HECW2: variants seen among roughly 807,000 people sequenced by gnomAD.
HECW2 encodes the protein E3 ubiquitin-protein ligase HECW2.
Under a neutral mutation model 175.2 loss-of-function variants are expected in HECW2, and 61 were observed. The observed-to-expected ratio is 0.35, with a 90% CI of 0.28 to 0.43. HECW2 has a LOEUF of 0.43. Among genes scored for constraint, HECW2 ranks in the 20% least tolerant of loss-of-function variants. The probability of loss-of-function intolerance (pLI) is 1.00; values close to 1 mark genes in which losing one functional copy is unlikely to be tolerated. For missense variants in HECW2, 1,524 were observed against 2,000.5 expected, an observed-to-expected ratio of 0.76 and a Z score of 4.54; for synonymous variants, 671 against 731.0, an observed-to-expected ratio of 0.92 and a Z score of 1.32.
chr2:196,573,761 G>C (rs1690465185), intron 1 of HECW2, among the ~76,000 whole-genome samples: 1 of 151,624 alleles, frequency 6.6e-6, no homozygotes, highest in Non-Finnish European at 1.5e-5. Context: ...AGTTCGACAA[G>C]AAAAAGAAAT....
At chr2:196,551,107 G>C (rs573727869) in intron 1 of HECW2, among the ~76,000 whole-genome samples, 1 of 152,260 alleles carries the variant, frequency 6.6e-6, no homozygotes, top group African/African-American at 2.4e-5. Context: ...AGGCAACTAA[G>C]AAGTTAAATG....
At chr2:196,326,391 C>G (rs1476553160) in intron 5 of HECW2, among the ~76,000 whole-genome samples, 5 of 151,870 alleles carry the variant, frequency 3.3e-5, no homozygotes, top group African/African-American at 4.8e-5. Flanking sequence ...ACACACCTGG[C>G]AGTAGAGGCG....
At chr2:196,389,469 G>GTAAATAAA (rs1694444701) in intron 2 of HECW2, among the ~76,000 whole-genome samples, 1 of 152,088 alleles carries the variant, frequency 6.6e-6, no homozygotes, top group African/African-American at 2.4e-5. Context: ...TAAATAATAC[G>GTAAATAAA]AAAGCTCTGG....
At chr2:196,438,326 TAAAAC>T (rs1413442286) in intron 1 of HECW2, among the ~76,000 whole-genome samples, 12 of 152,318 alleles carry the variant, frequency 7.9e-5, no homozygotes, top group African/African-American at 2.4e-4. Context: ...TTTAAAAACA[TAAAAC>T]AGATGAAAAT....
chr2:196,489,295 G>A (rs557918020), intron 1 of HECW2, among the ~76,000 whole-genome samples: 4 of 152,302 alleles, frequency 2.6e-5, no homozygotes, highest in Admixed American at 2.0e-4. Context: ...GAAAGAGAGA[G>A]AGATATATAA....
intron 21 of HECW2, among the ~76,000 whole-genome samples, chr2:196,233,738 G>A (rs1272214629): frequency 1.3e-5 from 2 of 152,178 alleles, no homozygotes; most frequent in Non-Finnish European, 2.9e-5. Flanking sequence ...GTTATCCTGT[G>A]AATGTCTCTT....
intron 2 of HECW2, among the ~76,000 whole-genome samples, chr2:196,416,051 T>C (rs1695247170): frequency 6.6e-6 from 1 of 152,238 alleles, no homozygotes; most frequent in South Asian, 2.1e-4. Flanking sequence ...TTTCTCTTAA[T>C]AGAGATAGCT....
At chr2:196,571,535 C>A (rs1181183809) in intron 1 of HECW2, among the ~76,000 whole-genome samples, 2 of 151,860 alleles carry the variant, frequency 1.3e-5, no homozygotes, top group Non-Finnish European at 2.9e-5. Context: ...ATGGTGAAAC[C>A]CCAAGTCTAC....
At chr2:196,534,769 C>G (rs1430711392) in intron 1 of HECW2, among the ~76,000 whole-genome samples, 1 of 152,190 alleles carries the variant, frequency 6.6e-6, no homozygotes, top group Non-Finnish European at 1.5e-5. Context: ...TACTGTGAAA[C>G]AAGATGCTGC....
At chr2:196,553,597 A>G (rs941425598) in intron 1 of HECW2, among the ~76,000 whole-genome samples, 10 of 152,358 alleles carry the variant, frequency 6.6e-5, no homozygotes, top group South Asian at 2.1e-4. Context: ...CAGGCTCCTC[A>G]GCAGGATGAA....
chr2:196,338,580 G>T (rs765430188), intron 3 of HECW2, among the ~76,000 whole-genome samples: 10 of 152,184 alleles, frequency 6.6e-5, no homozygotes, highest in Non-Finnish European at 1.3e-4. Flanking sequence ...AAATGGTTTT[G>T]CCTCAGACTA....
chr2:196,498,586 T>A (rs527497424), intron 1 of HECW2, among the ~76,000 whole-genome samples: 2 of 152,346 alleles, frequency 1.3e-5, no homozygotes, highest in South Asian at 4.1e-4. Flanking sequence ...AATTTAACTT[T>A]AAAACAAAGA....
chr2:196,379,595 G>A (rs1033899433), intron 2 of HECW2, among the ~76,000 whole-genome samples: 1 of 151,358 alleles, frequency 6.6e-6, no homozygotes, highest in Non-Finnish European at 1.5e-5. Context: ...TGAGGCAGGA[G>A]GATGGCATGA....
rs531889306 is a variant in HECW2 at position 196,411,020 on chromosome 2, G to A, written c.292+22112C>T. On this transcript the variant is annotated intron_variant, in intron 2 of 28. Coordinates refer to ENST00000644978, the MANE Select transcript of HECW2 (RefSeq NM_001348768.2). Reference sequence around the variant, plus strand: ...GCTTTTTGTTTTGTTTTGTTTTGAGGCAGGGTCTCACTCTGTTGCTGAGGC... The same window carrying A: ...GCTTTTTGTTTTGTTTTGTTTTGAGACAGGGTCTCACTCTGTTGCTGAGGC... Among the ~76,000 whole-genome samples the A allele has an allele frequency of 4.6e-5, 7 of 152,094 alleles. No individual in the cohort carries two copies. In the South Asian group the frequency reaches 1.0e-3, roughly 23 times the overall value.
At chr2:196,414,637 C>A (rs1040651527) in intron 2 of HECW2, among the ~76,000 whole-genome samples, 2 of 152,318 alleles carry the variant, frequency 1.3e-5, no homozygotes, top group Middle Eastern at 3.4e-3. Flanking sequence ...CAGGACCACA[C>A]ACTGCCTCTT....
intron 2 of HECW2, among the ~76,000 whole-genome samples, chr2:196,396,445 A>G (rs909568494): frequency 2.0e-5 from 3 of 152,236 alleles, no homozygotes; most frequent in East Asian, 1.9e-4. Context: ...CACAAGTGCC[A>G]TTTTTACAGA....
At chr2:196,400,642 C>A (rs1694791781) in intron 2 of HECW2, among the ~76,000 whole-genome samples, 1 of 152,124 alleles carries the variant, frequency 6.6e-6, no homozygotes, top group African/African-American at 2.4e-5. Flanking sequence ...GACTGAATCC[C>A]AGTCACAGCT....
chr2:196,353,113 C>A (rs927062570), intron 2 of HECW2, among the ~76,000 whole-genome samples: 1 of 152,122 alleles, frequency 6.6e-6, no homozygotes, highest in East Asian at 1.9e-4. Context: ...TCGCTCCTTA[C>A]CCCCTTCCAG....
chr2:196,320,559 C>T, intron 7 of HECW2, 120 bp from the exon 8 acceptor site: 1 of 596,922 alleles, frequency 1.7e-6, no homozygotes, highest in Non-Finnish European at 3.1e-6. Context: ...CTCACAAGAA[C>T]ATTAAAGGCT....
Sources: allele counts gnomAD v4.1 joint callset (sites outside exome capture counted in the v4.1 genomes callset), GRCh38; gene constraint gnomAD v4.1.1; transcripts MANE v1.5; gene names NCBI Gene and HGNC (gene_info 2026-07-23, HGNC 2026-07-21).